The following ENTHD1 variants were observed in gnomAD, a reference collection of about 807,000 sequenced individuals.
The protein encoded by ENTHD1 is ENTH domain containing 1.
A neutral mutation model predicts 39.1 loss-of-function variants in ENTHD1; 23 were observed. The observed-to-expected ratio is 0.59, with a 90% CI of 0.42 to 0.83. The LOEUF is 0.83. ENTHD1 is among the 40% of genes least tolerant of loss of function. The pLI is 0.00. For synonymous variants in ENTHD1, 230 were observed against 258.2 expected (o/e 0.89, Z 1.05); for missense variants, 624 against 705.4 (o/e 0.88, Z 1.31).
At chr22:39,884,543 T>A in intron 2 of ENTHD1, among the ~76,000 whole-genome samples, 2 of 145,890 alleles carry the variant, frequency 1.4e-5, no homozygotes. Flanking sequence ...TGCAAGAGAC[T>A]CAGAATAGAA....
chr22:39,892,786 A>C lies in ENTHD1; in HGVS notation c.-156+909T>G, dbSNP rs576974816. ...TCTTGTGTTTGTACAGGTTCTGCCT[A>C]TAGACATGAGTTTGACTCGTAAGGA... On this transcript the variant is annotated intron_variant, in intron 1 of 6. Coordinates refer to ENST00000325157, the MANE Select transcript of ENTHD1 (RefSeq NM_152512.4). Among the ~76,000 whole-genome samples the C allele has an allele frequency of 2.0e-5, 3 of 152,338 alleles. No homozygotes were observed. The East Asian group carries it at 5.8e-4, about 29-fold the overall frequency.
At chr22:39,779,296 AC>A (rs1380562993) in intron 5 of ENTHD1, among the ~76,000 whole-genome samples, 1 of 152,112 alleles carries the variant, frequency 6.6e-6, no homozygotes, top group East Asian at 1.9e-4. Context: ...AGCCAAGATC[AC>A]GCCACTGCAC....
intron 2 of ENTHD1, among the ~76,000 whole-genome samples, chr22:39,880,694 G>C (rs577892816): frequency 9.2e-5 from 14 of 152,250 alleles, no homozygotes; most frequent in Admixed American, 6.5e-4. Context: ...ATACATTTCT[G>C]AATTCTTGTC....
intron 2 of ENTHD1, 48 bp from the exon 3 acceptor site, chr22:39,862,055 C>A: frequency 7.5e-7 from 1 of 1,329,774 alleles, no homozygotes; most frequent in South Asian, 2.7e-5. Context: ...CTAGTTAAGG[C>A]TATAATTAAT....
At chr22:39,825,867 TAGA>T (rs1274769770) in intron 4 of ENTHD1, among the ~76,000 whole-genome samples, 1 of 152,122 alleles carries the variant, frequency 6.6e-6, no homozygotes, top group East Asian at 1.9e-4. Flanking sequence ...ACAAACCAAA[TAGA>T]TGTTCTTGGT....
chr22:39,856,231 A>G (rs887899343), intron 3 of ENTHD1, among the ~76,000 whole-genome samples: 3 of 146,016 alleles, frequency 2.1e-5, no homozygotes, highest in African/African-American at 5.1e-5. Flanking sequence ...CCAAGATTGC[A>G]CCATTGCACT....
intron 5 of ENTHD1, among the ~76,000 whole-genome samples, chr22:39,800,431 G>A (rs2065589542): frequency 1.3e-5 from 2 of 152,216 alleles, no homozygotes; most frequent in Non-Finnish European, 2.9e-5. Context: ...TTCCAATCAT[G>A]TCAGGATGAG....
At chr22:39,891,741 C>G (rs906432011) in intron 1 of ENTHD1, among the ~76,000 whole-genome samples, 21 of 152,052 alleles carry the variant, frequency 1.4e-4, no homozygotes, top group African/African-American at 4.4e-4. Context: ...GCCTCAGCCT[C>G]CCAAGTAGCT....
intron 6 of ENTHD1, among the ~76,000 whole-genome samples, chr22:39,753,472 A>C (rs1172198056): frequency 2.6e-5 from 4 of 152,242 alleles, no homozygotes; most frequent in Non-Finnish European, 5.9e-5. Context: ...GTTTGGTACA[A>C]ATATTAAGGT....
intron 1 of ENTHD1, among the ~76,000 whole-genome samples, chr22:39,892,141 C>G (rs1450546621): frequency 6.6e-6 from 1 of 152,162 alleles, no homozygotes; most frequent in Non-Finnish European, 1.5e-5. Context: ...AAACATGAAC[C>G]TCACATTAAA....
At chr22:39,795,300 C>T (rs1198656687) in intron 5 of ENTHD1, among the ~76,000 whole-genome samples, 1 of 152,136 alleles carries the variant, frequency 6.6e-6, no homozygotes. Context: ...GAATTTCCTC[C>T]TCTTGAGTTT....
intron 3 of ENTHD1, among the ~76,000 whole-genome samples, chr22:39,839,022 A>C (rs2065925681): frequency 6.6e-6 from 1 of 152,152 alleles, no homozygotes; most frequent in South Asian, 2.1e-4. Flanking sequence ...GATATAACTT[A>C]ACAGTTTGCT....
chr22:39,797,265 T>C (rs1601600579), intron 5 of ENTHD1, among the ~76,000 whole-genome samples: 1 of 152,372 alleles, frequency 6.6e-6, no homozygotes, highest in East Asian at 1.9e-4. Context: ...AGTGAGTTTA[T>C]CGTAGGCAGC....
intron 4 of ENTHD1, among the ~76,000 whole-genome samples, chr22:39,829,739 C>T (rs2065853257): frequency 6.6e-6 from 1 of 151,100 alleles, no homozygotes; most frequent in African/African-American, 2.4e-5. Flanking sequence ...TGAAGTGAGC[C>T]GAGATCATGC....
chr22:39,745,254 T>G (rs1038767706), intron 6 of ENTHD1, among the ~76,000 whole-genome samples: 1 of 152,234 alleles, frequency 6.6e-6, no homozygotes, highest in Admixed American at 6.5e-5. Context: ...TGATACAAAT[T>G]GGTGGAATCC....
chr22:39,808,261 C>T (rs1053068652), intron 5 of ENTHD1, among the ~76,000 whole-genome samples: 3 of 152,166 alleles, frequency 2.0e-5, no homozygotes, highest in Non-Finnish European at 4.4e-5. Context: ...TGTCCTAAGG[C>T]AGGGTTAGGT....
chr22:39,856,894 G>GCACA (rs373690624), intron 3 of ENTHD1, among the ~76,000 whole-genome samples: 33 of 150,266 alleles, frequency 2.2e-4, no homozygotes, highest in African/African-American at 7.8e-4. Context: ...AAAAGAAAAA[G>GCACA]CACACAGTAC....
At chr22:39,834,015 A>C (rs1325385518) in intron 4 of ENTHD1, among the ~76,000 whole-genome samples, 1 of 152,046 alleles carries the variant, frequency 6.6e-6, no homozygotes, top group Non-Finnish European at 1.5e-5. Flanking sequence ...AATTAATTCA[A>C]AATAGATCAC....
At chr22:39,776,377 T>G (rs562946184) in intron 5 of ENTHD1, among the ~76,000 whole-genome samples, 9 of 152,326 alleles carry the variant, frequency 5.9e-5, no homozygotes, top group Non-Finnish European at 1.0e-4. Flanking sequence ...CTTCTCATTT[T>G]CTTTCCATTT....
Sources: allele counts gnomAD v4.1 joint callset (sites outside exome capture counted in the v4.1 genomes callset), GRCh38; gene constraint gnomAD v4.1.1; transcripts MANE v1.5; gene names NCBI Gene and HGNC (gene_info 2026-07-23, HGNC 2026-07-21).